DYNC2I1: variants seen among roughly 807,000 people sequenced by gnomAD.
DYNC2I1 encodes the protein cytoplasmic dynein 2 intermediate chain 1.
DYNC2I1 carries 89 observed loss-of-function variants against 133.4 expected under a neutral mutation model. That is an observed-to-expected ratio of 0.67 (90% CI 0.56 to 0.80). DYNC2I1 has a LOEUF of 0.80. Ranked by LOEUF, DYNC2I1 falls within the 30% of genes least tolerant of loss-of-function variation. The pLI is 0.00. For synonymous variants in DYNC2I1, 504 were observed against 484.3 expected, an observed-to-expected ratio of 1.04 and a Z score of -0.54; for missense variants, 1,291 against 1,314.5, an observed-to-expected ratio of 0.98 and a Z score of 0.28.
chr7:158,846,173 C>T, the DYNC2I1 span, among the ~76,000 whole-genome samples: 2 of 152,122 alleles, frequency 1.3e-5, no homozygotes, highest in African/African-American at 2.4e-5. Flanking sequence ...GCAGGAGAAT[C>T]GCTTGAACCT....
Position 158,879,975 on chromosome 7 carries a change from A to G in DYNC2I1, c.865A>G (p.Lys289Glu), listed in dbSNP as rs1563101462. The G allele has an allele frequency of 1.9e-6, 3 of 1,595,630 alleles. No homozygotes were observed. Among genetic ancestry groups the G allele is most frequent in the African/African-American group, 1.4e-5 (1 of 73,348 alleles). Reference sequence around the variant, plus strand: ...GAAATCGGCAAAAGATGAGCCCAGGAAAAGGGAATCCCAGGTACCCCTTCT... The same window carrying G: ...GAAATCGGCAAAAGATGAGCCCAGGGAAAGGGAATCCCAGGTACCCCTTCT... Reference protein sequence around the residue: ...KEKSAKDEPRKRESQNGEHRN... With the variant: ...KEKSAKDEPRERESQNGEHRN... The change falls in exon 5 of 25, where the codon AAA (lysine) becomes GAA (glutamate). Residue 289 changes from lysine to glutamate, a missense_variant. Lys to Glu is a moderately conservative substitution (Grantham distance 56, BLOSUM62 1). Coordinates refer to ENST00000407559, the MANE Select transcript of DYNC2I1 (RefSeq NM_018051.5).
intron 16 of DYNC2I1, 91 bp downstream of exon 16, chr7:158,922,640 G>T (rs899180553): frequency 7.6e-7 from 1 of 1,318,000 alleles, no homozygotes; most frequent in Admixed American, 2.2e-5. Context: ...ACGGAGAGAG[G>T]TGCAGGGACA....
At chr7:158,926,553 C>T in intron 19 of DYNC2I1, 90 bp downstream of exon 19, 1 of 1,406,128 alleles carries the variant, frequency 7.1e-7, no homozygotes, top group Non-Finnish European at 9.8e-7. Context: ...GGGCGGGACC[C>T]AGTTAGCTGT....
chr7:158,882,218 A>C (rs1479465129), intron 5 of DYNC2I1, among the ~76,000 whole-genome samples: 1 of 152,180 alleles, frequency 6.6e-6, no homozygotes, highest in East Asian at 1.9e-4. Flanking sequence ...TGAACAAAAC[A>C]AAAATTACTG....
intron 3 of DYNC2I1, among the ~76,000 whole-genome samples, chr7:158,874,778 A>G (rs780829404): frequency 1.2e-4 from 18 of 152,328 alleles, no homozygotes; most frequent in Non-Finnish European, 2.1e-4. Context: ...CCAGCTGGGC[A>G]TCATCCCTGA....
At chr7:158,862,338 G>T (rs1041707354) in intron 1 of DYNC2I1, among the ~76,000 whole-genome samples, 3 of 151,602 alleles carry the variant, frequency 2.0e-5, no homozygotes, top group African/African-American at 7.3e-5. Flanking sequence ...TCAAGTACTG[G>T]TTTACAGAAA....
Position 158,926,449 on chromosome 7 carries a change from G to T in DYNC2I1, c.2419G>T (p.Val807Phe). The change falls in exon 19 of 25, where the codon GTT (valine) becomes TTT (phenylalanine). Residue 807 changes from valine to phenylalanine, a missense_variant. By Grantham distance (50) the Val-to-Phe change is conservative. Coordinates refer to ENST00000407559, the MANE Select transcript of DYNC2I1 (RefSeq NM_018051.5). Reference sequence around the variant, plus strand: ...CATCGCTTCCTTGGATGAGAGTGGGGTTCTCAATGTATGGGTGAGTAGTGG... The same window carrying T: ...CATCGCTTCCTTGGATGAGAGTGGGTTTCTCAATGTATGGGTGAGTAGTGG... ...FHIASLDESG[V>F]LNVWVVVELP... is the part of the protein sequence containing the mutation. 3.1e-6 allele frequency: 5 copies of T among 1,613,322 alleles called. No individual in the cohort carries two copies. Among genetic ancestry groups the T allele is most frequent in the Non-Finnish European group, 4.2e-6 (5 of 1,179,596 alleles).
chr7:158,883,885 C>T (rs921829068), intron 5 of DYNC2I1, among the ~76,000 whole-genome samples: 12 of 149,698 alleles, frequency 8.0e-5, no homozygotes, highest in South Asian at 2.1e-4. Context: ...AGGATGGTCT[C>T]GATCTCCTGA....
chr7:158,871,110 G>A lies in DYNC2I1; in HGVS notation c.70-32G>A, dbSNP rs530293196. ...AGTCTAATGGAAATCTGCCTTCCTG[G>A]TCACGGAGGACCCTTTGTTCTCTTG... On this transcript the variant is annotated intron_variant, in intron 2 of 24. Transcript: ENST00000407559. The A allele has an allele frequency of 1.2e-5, 19 of 1,582,088 alleles. No homozygotes were observed. In the East Asian group the frequency reaches 2.2e-4, roughly 19 times the overall value.
rs368949651 is a variant in DYNC2I1, at chr7:158,892,275, T to C, written c.1059+942T>C. Among the ~76,000 whole-genome samples the C allele has an allele frequency of 2.0e-5, 3 of 152,204 alleles. No individual in the cohort carries two copies. The East Asian group carries it at 5.8e-4, about 29-fold the overall frequency. ...GATGGTGTTAGTTTTCGTTGAAAAT[T>C]CCTGTTTTCTTCTTGTCAGTCAGCA... On this transcript the variant is annotated intron_variant, in intron 8 of 24. Transcript: ENST00000407559.
chr7:158,894,182 G>A (rs916351096), intron 8 of DYNC2I1, among the ~76,000 whole-genome samples: 2 of 67,138 alleles, frequency 3.0e-5, no homozygotes, highest in East Asian at 3.4e-4. Flanking sequence ...GTCACACTAC[G>A]TATCATACTA....
chr7:158,953,030 A>G (rs1673529799), intron 4 of DYNC2I1, among the ~76,000 whole-genome samples: 1 of 152,170 alleles, frequency 6.6e-6, no homozygotes, highest in Non-Finnish European at 1.5e-5. Context: ...CCCAGGTGGC[A>G]TCCGCACCCA....
At chr7:158,875,536 T>C (rs1432474194) in intron 3 of DYNC2I1, among the ~76,000 whole-genome samples, 1 of 152,198 alleles carries the variant, frequency 6.6e-6, no homozygotes, top group African/African-American at 2.4e-5. Flanking sequence ...AAGTCCAGCT[T>C]TCCTTGTTGG....
chr7:158,954,234 C>T (rs575091421), intron 4 of DYNC2I1, among the ~76,000 whole-genome samples: 1 of 152,338 alleles, frequency 6.6e-6, no homozygotes, highest in East Asian at 1.9e-4. Context: ...CACCTCTTTC[C>T]TTTATGAATT....
intron 6 of DYNC2I1, among the ~76,000 whole-genome samples, chr7:158,885,174 G>A (rs1056775533): frequency 6.6e-6 from 1 of 152,050 alleles, no homozygotes; most frequent in Non-Finnish European, 1.5e-5. Flanking sequence ...ATAACATTCC[G>A]CCCTCAGGCC....
At chr7:158,958,096 G>A (rs1378578765), downstream of DYNC2I1, among the ~76,000 whole-genome samples, 1 of 150,372 alleles carries the variant, frequency 6.7e-6, no homozygotes, top group Admixed American at 6.6e-5. Flanking sequence ...GCCCCAGGTC[G>A]TGGAGAGGGT....
chr7:158,929,720 C>T (rs1047901546), intron 20 of DYNC2I1, among the ~76,000 whole-genome samples: 6 of 152,232 alleles, frequency 3.9e-5, no homozygotes, highest in Non-Finnish European at 8.8e-5. Flanking sequence ...TAGGCAATGC[C>T]TTGCCCAGAA....
intron 22 of DYNC2I1, 93 bp downstream of exon 22, chr7:158,934,321 T>C: frequency 7.0e-7 from 1 of 1,432,012 alleles, no homozygotes. Flanking sequence ...AACTTACTCT[T>C]TTCTTTATAA....
At position 158,858,605 on chromosome 7, in the gene DYNC2I1, TG is replaced by T. The variant is rs540586245; in HGVS notation, c.15+1856del. On this transcript the variant is annotated intron_variant, in intron 1 of 24. Coordinates refer to ENST00000407559, the MANE Select transcript of DYNC2I1 (RefSeq NM_018051.5). ...TCTAGCTTATTAGTGTCATATTACC[TG>T]TTTAATGAAATTCTCTTAAATTCTT... Among the ~76,000 whole-genome samples, 954 of 152,338 alleles carry T rather than the reference TG, an allele frequency of 6.3e-3. 6 individuals are homozygous for T. The highest frequency in any genetic ancestry group is 0.01 in the Non-Finnish European group (709 of 68,024).
Sources: allele counts gnomAD v4.1 joint callset (sites outside exome capture counted in the v4.1 genomes callset), GRCh38; gene constraint gnomAD v4.1.1; transcripts MANE v1.5; gene names NCBI Gene and HGNC (gene_info 2026-07-23, HGNC 2026-07-21).